Variants in RNF144A observed in about 807,000 individuals in gnomAD.
The protein encoded by RNF144A is E3 ubiquitin-protein ligase RNF144A.
Under a neutral mutation model 38.7 loss-of-function variants are expected in RNF144A, and 11 were observed. The observed-to-expected ratio is 0.28, with a 90% CI of 0.18 to 0.47. RNF144A has a LOEUF of 0.47. Among genes scored for constraint, RNF144A ranks in the 20% least tolerant of loss-of-function variants. The pLI is 0.99. For synonymous variants in RNF144A, 149 were observed against 143.9 expected (o/e 1.04, Z -0.25); for missense variants, 316 against 377.2 (o/e 0.84, Z 1.34).
downstream of RNF144A, among the ~76,000 whole-genome samples, chr2:7,046,218 G>A (rs1192451791): frequency 2.0e-5 from 3 of 152,214 alleles, no homozygotes; most frequent in African/African-American, 4.8e-5. Context: ...GCTCATCTCT[G>A]TCTATACCAG....
At chr2:7,073,736 A>G in the RNF144A span, among the ~76,000 whole-genome samples, 1 of 152,220 alleles carries the variant, frequency 6.6e-6, no homozygotes, top group Non-Finnish European at 1.5e-5. Context: ...GAACTTATTT[A>G]ATCCTTACAT....
intron 6 of RNF144A, among the ~76,000 whole-genome samples, chr2:7,050,936 G>A (rs902833037): frequency 5.3e-5 from 8 of 152,212 alleles, no homozygotes; most frequent in Non-Finnish European, 1.2e-4. Context: ...AGAATGCCTC[G>A]GGTGCAGTCT....
In RNF144A at chr2:6,982,003, C is replaced by T. The variant is rs372509381; in HGVS notation, c.-11-14913C>T. Among the ~76,000 whole-genome samples the T allele has an allele frequency of 1.2e-4, 19 of 152,266 alleles. No homozygotes were observed. The East Asian group carries it at 1.7e-3, about 14-fold the overall frequency. On this transcript the variant is annotated intron_variant, in intron 2 of 8. Coordinates refer to ENST00000320892, the MANE Select transcript of RNF144A (RefSeq NM_014746.6). ...ACAAGGCGGCAGGAGAGAGAGAGCG[C>T]ACAGGGGAAACTGCCACTTTTAAAA...
chr2:7,052,271 C>G (rs565390948), intron 6 of RNF144A, among the ~76,000 whole-genome samples: 19 of 152,338 alleles, frequency 1.2e-4, no homozygotes, highest in Admixed American at 2.6e-4. Flanking sequence ...GTGCTTCACT[C>G]CACCTGGGAG....
chr2:7,038,646 A>G (rs1672835297), intron 8 of RNF144A, among the ~76,000 whole-genome samples: 1 of 152,178 alleles, frequency 6.6e-6, no homozygotes, highest in South Asian at 2.1e-4. Flanking sequence ...AATGAGGGAA[A>G]AATGAAGGGA....
rs71436173 is a variant in RNF144A, at chr2:7,007,173, A to G, written c.136-7281A>G. ...AGGAGGCCTGTCTAGGACCGACAGC[A>G]GGTAGCGTCCTCAACCCTGCCCCAA... On this transcript the variant is annotated intron_variant, in intron 3 of 8. Coordinates refer to ENST00000320892, the MANE Select transcript of RNF144A (RefSeq NM_014746.6). Among the ~76,000 whole-genome samples, 661 of 152,292 alleles carry G rather than the reference A, an allele frequency of 4.3e-3. 2 individuals are homozygous for G. The highest frequency in any genetic ancestry group is 7.2e-3 in the Non-Finnish European group (489 of 68,016).
downstream of RNF144A, among the ~76,000 whole-genome samples, chr2:7,069,176 C>T (rs1214379862): frequency 2.6e-5 from 4 of 152,332 alleles, no homozygotes; most frequent in African/African-American, 9.6e-5. Context: ...GGGAGGCTAA[C>T]TCAGCACATC....
chr2:7,048,192 T>C (rs1207962959), downstream of RNF144A, among the ~76,000 whole-genome samples: 1 of 152,030 alleles, frequency 6.6e-6, no homozygotes, highest in Non-Finnish European at 1.5e-5. Flanking sequence ...ACCCGTACGA[T>C]CTCAGATGAT....
In RNF144A at chr2:6,997,072, T is replaced by C. The variant is rs1374103016; in HGVS notation, c.135+11T>C. ...ATCTTCTGTACTCTGGTTGGTCTTT[T>C]TGGATAAAATATATGTTACAGTGAT... On this transcript the variant is annotated intron_variant, in intron 3 of 8. Coordinates refer to ENST00000320892, the MANE Select transcript of RNF144A (RefSeq NM_014746.6). 1 of 1,613,736 alleles carries C rather than the reference T, an allele frequency of 6.2e-7. No homozygotes were observed. The highest frequency in any genetic ancestry group is 1.1e-5 in the South Asian group (1 of 91,064).
At chr2:7,068,838 G>C (rs369819462), downstream of RNF144A, among the ~76,000 whole-genome samples, 104 of 152,314 alleles carry the variant, frequency 6.8e-4, 1 homozygote, top group African/African-American at 2.3e-3. Flanking sequence ...CAAGGGGCTT[G>C]CATAGACCTG....
intron 6 of RNF144A, 53 bp downstream of exon 6, chr2:7,020,733 G>A: frequency 6.5e-7 from 1 of 1,534,338 alleles, no homozygotes; most frequent in Non-Finnish European, 8.9e-7. Flanking sequence ...GCCAGGAGAA[G>A]CAGGCATGCT....
At chr2:7,065,725 A>G (rs963469419) in intron 6 of RNF144A, among the ~76,000 whole-genome samples, 1 of 152,198 alleles carries the variant, frequency 6.6e-6, no homozygotes, top group African/African-American at 2.4e-5. Flanking sequence ...GTCTTTTGTT[A>G]TTTATGGACA....
At chr2:6,923,476 A>T (rs936737038) in intron 1 of RNF144A, among the ~76,000 whole-genome samples, 3 of 152,172 alleles carry the variant, frequency 2.0e-5, no homozygotes, top group Non-Finnish European at 4.4e-5. Flanking sequence ...CTGTCTTTCC[A>T]GGGCTGATCT....
intron 2 of RNF144A, among the ~76,000 whole-genome samples, chr2:6,942,241 A>T (rs987884463): frequency 4.6e-5 from 7 of 152,034 alleles, no homozygotes; most frequent in African/African-American, 1.7e-4. Context: ...GGACAAGGCT[A>T]GAATCCAGGA....
intron 7 of RNF144A, among the ~76,000 whole-genome samples, chr2:7,026,306 G>A (rs1312786412): frequency 1.3e-5 from 2 of 152,106 alleles, no homozygotes; most frequent in African/African-American, 2.4e-5. Flanking sequence ...CAACATCTGG[G>A]TAAAATGTCA....
intron 2 of RNF144A, among the ~76,000 whole-genome samples, chr2:6,979,041 A>G (rs993984843): frequency 2.0e-5 from 3 of 152,196 alleles, no homozygotes; most frequent in Non-Finnish European, 4.4e-5. Context: ...AGGGTCAGAA[A>G]GTAGAGAGAC....
chr2:7,015,180 C>T (rs559654439), intron 5 of RNF144A, among the ~76,000 whole-genome samples: 6 of 152,268 alleles, frequency 3.9e-5, no homozygotes, highest in African/African-American at 1.2e-4. Context: ...GCAGAAATTA[C>T]AGTAACCCCC....
chr2:7,016,431 T>TA (rs1388776561), intron 5 of RNF144A, among the ~76,000 whole-genome samples: 1 of 152,194 alleles, frequency 6.6e-6, no homozygotes, highest in East Asian at 1.9e-4. Context: ...GAATTTAATT[T>TA]AAAAATGCAG....
chr2:6,928,323 C>T (rs1665002800), intron 1 of RNF144A, among the ~76,000 whole-genome samples: 1 of 152,242 alleles, frequency 6.6e-6, no homozygotes, highest in Admixed American at 6.5e-5. Flanking sequence ...AAGTTCATTG[C>T]CGCAGGCCCC....
Sources: allele counts gnomAD v4.1 joint callset (sites outside exome capture counted in the v4.1 genomes callset), GRCh38; gene constraint gnomAD v4.1.1; transcripts MANE v1.5; gene names NCBI Gene and HGNC (gene_info 2026-07-23, HGNC 2026-07-21).